Variants in PRSS3 observed in about 807,000 individuals in gnomAD.
PRSS3 encodes trypsin-3.
In PRSS3, 14 loss-of-function variants were observed where a neutral mutation model predicts 20.8. The ratio of observed to expected loss-of-function variants is 0.67; its 90% CI spans 0.44 to 1.05. PRSS3 has a LOEUF of 1.05. Among genes scored for constraint, PRSS3 ranks in the 50% least tolerant of loss-of-function variants. The pLI, the probability that PRSS3 is intolerant of heterozygous loss-of-function variation, is 0.00. For synonymous variants in PRSS3, 91 were observed against 117.6 expected, an observed-to-expected ratio of 0.77 and a Z score of 1.46; for missense variants, 237 against 306.4, an observed-to-expected ratio of 0.77 and a Z score of 1.69.
At chr9:33,798,391 A>T in intron 3 of PRSS3, 95 bp from the exon 4 acceptor site, 3 of 1,559,218 alleles carry the variant, frequency 1.9e-6, no homozygotes, top group Non-Finnish European at 2.7e-6. Context: ...CTCCAGAGGC[A>T]GTGTTCCTCT....
intron 1 of PRSS3, among the ~76,000 whole-genome samples, chr9:33,764,111 A>T (rs1823321366): frequency 6.6e-6 from 1 of 152,242 alleles, no homozygotes; most frequent in African/African-American, 2.4e-5. Flanking sequence ...GTAGAAGGAT[A>T]GACAAGATGC....
In PRSS3 at chr9:33,750,701, C is replaced by T; in HGVS notation, c.-79C>T. ...CGCACTTGGCGAGCGGCGCGGGATG[C>T]AGACGGCTGCGAGGCGCTGGGCACA... On this transcript the variant is annotated 5_prime_UTR_variant, in exon 1 of 6. Transcript: ENST00000342836. This position sits in a 1 kb window ranked among gnomAD's most constrained non-coding sequence, Gnocchi z 4.8. 1 of 1,447,620 alleles carries T rather than the reference C, an allele frequency of 6.9e-7. No individual in the cohort carries two copies. 89.7% of individuals were successfully genotyped at this position (1,447,620 alleles called of 1,614,324 possible).
chr9:33,767,548 G>A (rs1823490004), intron 1 of PRSS3, among the ~76,000 whole-genome samples: 1 of 151,886 alleles, frequency 6.6e-6, no homozygotes. Context: ...TTAGGGCCGG[G>A]CGCGGTGACT....
At position 33,759,375 on chromosome 9, in the gene PRSS3, G is replaced by C. The variant is rs141057065; in HGVS notation, c.-53+8648G>C. Among the ~76,000 whole-genome samples the C allele has an allele frequency of 3.2e-3, 482 of 152,210 alleles. 3 individuals carry two copies. Among genetic ancestry groups the C allele is most frequent in the African/African-American group, 0.011 (445 of 41,528 alleles). The stretch of plus-strand genomic sequence containing the variant: ...AGGACTAGAGGCCTCACAGTGTTTA[G>C]GAAAAAGACAATGAGAGCCCAAATG... On this transcript the variant is annotated intron_variant, in intron 1 of 5. Transcript: ENST00000342836.
At chr9:33,762,684 CAT>C (rs1414105071) in intron 1 of PRSS3, among the ~76,000 whole-genome samples, 1 of 152,206 alleles carries the variant, frequency 6.6e-6, no homozygotes, top group East Asian at 1.9e-4. Context: ...TGACCAAACA[CAT>C]GTCTCATTCC....
intron 1 of PRSS3, among the ~76,000 whole-genome samples, chr9:33,781,619 C>A (rs766623653): frequency 1.3e-5 from 2 of 152,120 alleles, no homozygotes; most frequent in African/African-American, 2.4e-5. Context: ...TGTAACAAAC[C>A]TTCATATGTA....
At chr9:33,795,397 A>G, upstream of PRSS3, 2 of 829,068 alleles carry the variant, frequency 2.4e-6, no homozygotes, top group Non-Finnish European at 3.9e-6. Context: ...GTGAATCACA[A>G]ACCCACAGAG....
chr9:33,776,935 T>C (rs1823961585), intron 1 of PRSS3, among the ~76,000 whole-genome samples: 2 of 152,152 alleles, frequency 1.3e-5, no homozygotes, highest in South Asian at 2.1e-4. Flanking sequence ...AATTAAAAAG[T>C]ATATTGAAAG....
At chr9:33,796,530 T>C (rs1824950060) in intron 1 of PRSS3, 113 bp from the exon 2 acceptor site, 2 of 1,453,510 alleles carry the variant, frequency 1.4e-6, no homozygotes, top group Non-Finnish European at 1.9e-6. Context: ...CTCCCTTGCC[T>C]GGCCTCACTG....
Position 33,795,608 on chromosome 9 carries a change from C to T in PRSS3, c.35C>T (p.Ala12Val). Residue 12 changes from alanine to valine, a missense_variant, in exon 1 of 5, where the codon GCT becomes GTT. By Grantham distance (64) the Ala-to-Val change is moderately conservative (BLOSUM62 0). Coordinates refer to ENST00000379405, the MANE Select transcript of PRSS3 (RefSeq NM_002771.4). Reference protein sequence around the residue: ...NPFLILAFVGAAVAVPFDDDD... With the variant: ...NPFLILAFVGVAVAVPFDDDD... The stretch of plus-strand genomic sequence containing the variant: ...TTCCTGATCCTTGCCTTTGTGGGAG[C>T]TGCTGGCGAGTTTCATGACCTGCCT... 1 of 1,614,162 alleles carries T rather than the reference C, an allele frequency of 6.2e-7. No homozygotes were observed. The highest frequency in any genetic ancestry group is 8.5e-7 in the Non-Finnish European group (1 of 1,180,018).
Position 33,795,578 on chromosome 9 carries a change from A to G in PRSS3, c.5A>G (p.Asn2Ser), listed in dbSNP as rs2119109173. ...AGTCAGGCACACTCTACCACCATGA[A>G]TCCATTCCTGATCCTTGCCTTTGTG... is the stretch of plus-strand genomic sequence containing the variant. M[N>S]PFLILAFVGA... is the part of the protein sequence containing the mutation. Residue 2 changes from asparagine to serine, a missense_variant, in exon 1 of 5, where the codon AAT (asparagine) becomes AGT (serine). Asn to Ser is a conservative substitution (Grantham distance 46). Transcript: ENST00000379405. 6.2e-7 allele frequency: 1 copy of G among 1,614,132 alleles called. No individual in the cohort carries two copies. The highest frequency in any genetic ancestry group is 1.3e-5 in the African/African-American group (1 of 75,012).
chr9:33,758,662 G>C (rs78322802), intron 1 of PRSS3, among the ~76,000 whole-genome samples: 5,729 of 152,210 alleles, frequency 0.038, 150 homozygotes, highest in Non-Finnish European at 0.054. Flanking sequence ...ATATCATCTG[G>C]GGGGAGAGGA....
intron 1 of PRSS3, among the ~76,000 whole-genome samples, chr9:33,781,388 G>A (rs1824177975): frequency 6.6e-6 from 1 of 152,188 alleles, no homozygotes. Context: ...AACATAAATA[G>A]AGCTGAAGGC....
chr9:33,777,813 C>A (rs1357022308), intron 1 of PRSS3, among the ~76,000 whole-genome samples: 1 of 151,236 alleles, frequency 6.6e-6, no homozygotes, highest in African/African-American at 2.4e-5. Context: ...ACTTAAAGGA[C>A]GGGAGTAGGA....
chr9:33,757,556 T>A (rs1400638214), intron 1 of PRSS3, among the ~76,000 whole-genome samples: 1 of 152,032 alleles, frequency 6.6e-6, no homozygotes, highest in South Asian at 2.1e-4. Context: ...GTTCCTGCTT[T>A]AGCTTCCTAA....
At chr9:33,777,122 G>C (rs1377099110) in intron 1 of PRSS3, among the ~76,000 whole-genome samples, 1 of 151,992 alleles carries the variant, frequency 6.6e-6, no homozygotes. Flanking sequence ...GCGAATACCA[G>C]AAGAGAAGGG....
intron 1 of PRSS3, among the ~76,000 whole-genome samples, chr9:33,762,907 A>T (rs1173318968): frequency 6.6e-6 from 1 of 152,188 alleles, no homozygotes; most frequent in Non-Finnish European, 1.5e-5. Flanking sequence ...CACTTATTAA[A>T]CATGTATTCT....
chr9:33,767,578 C>T (rs566927411), intron 1 of PRSS3, among the ~76,000 whole-genome samples: 4 of 151,084 alleles, frequency 2.6e-5, no homozygotes, highest in South Asian at 2.1e-4. Flanking sequence ...AATCCCAGCA[C>T]TTTGGGAGGC....
chr9:33,754,936 A>G (rs1031758599), intron 1 of PRSS3, among the ~76,000 whole-genome samples: 10 of 152,172 alleles, frequency 6.6e-5, no homozygotes, highest in Non-Finnish European at 1.3e-4. Flanking sequence ...GTGTTTTATG[A>G]GTCGTAGATC....
Sources: gnomAD v4.1 joint callset for allele counts (sites outside exome capture counted in the v4.1 genomes callset) on GRCh38, gnomAD v4.1.1 for gene constraint, Gnocchi (gnomAD v3.1) non-coding constraint, MANE v1.5 for transcripts, NCBI Gene and HGNC (gene_info 2026-07-23, HGNC 2026-07-21) for gene names.